The following ERCC8 variants were observed in gnomAD, a reference collection of about 807,000 sequenced individuals.
ERCC8 encodes the protein ERCC excision repair 8, CSA ubiquitin ligase complex subunit.
In ERCC8, 52 loss-of-function variants were observed where a neutral mutation model predicts 54.9. The ratio of observed to expected loss-of-function variants is 0.95; its 90% CI spans 0.76 to 1.19. The LOEUF is 1.19. ERCC8 is among the 50% of genes most tolerant of loss of function. The pLI is 0.00. For synonymous variants in ERCC8, 146 were observed against 157.2 expected (o/e 0.93, Z 0.53); for missense variants, 514 against 466.1 (o/e 1.10, Z -0.95).
chr5:60,902,140 T>A (rs993503603), intron 7 of ERCC8, among the ~76,000 whole-genome samples: 5 of 152,098 alleles, frequency 3.3e-5, no homozygotes, highest in African/African-American at 1.2e-4. Flanking sequence ...AGGTTAAAGA[T>A]AATGAATAAA....
intron 11 of ERCC8, among the ~76,000 whole-genome samples, chr5:60,880,366 G>A (rs1049409005): frequency 6.6e-6 from 1 of 152,156 alleles, no homozygotes; most frequent in African/African-American, 2.4e-5. Context: ...TTCTCGAGGA[G>A]TATCTTTGTG....
At chr5:60,910,344 T>G (rs1366043042) in intron 4 of ERCC8, among the ~76,000 whole-genome samples, 1 of 152,180 alleles carries the variant, frequency 6.6e-6, no homozygotes, top group East Asian at 1.9e-4. Flanking sequence ...TTCACTCTTT[T>G]GTTTCAAGAG....
At chr5:60,905,215 C>T (rs1212108711) in intron 4 of ERCC8, among the ~76,000 whole-genome samples, 4 of 152,134 alleles carry the variant, frequency 2.6e-5, no homozygotes, top group Non-Finnish European at 4.4e-5. Flanking sequence ...CTCTCAGTTC[C>T]GTATAACCTG....
At chr5:60,925,252 C>G (rs1037446368) in intron 2 of ERCC8, among the ~76,000 whole-genome samples, 1 of 152,108 alleles carries the variant, frequency 6.6e-6, no homozygotes, top group Non-Finnish European at 1.5e-5. Context: ...TGGAAGCTTA[C>G]TTTCAGAGAT....
In ERCC8 at chr5:60,891,075, T is replaced by C. The variant is rs1431259956; in HGVS notation, c.855A>G (p.Gly285=). ...CTTTTTTACTGTTATTACAAACTTT[T>C]CCATAGTTCACCTGTAGGATTAAAA... ...SNGENTLVNY[G]KVCNNSKKGL... The change falls in exon 10 of 12, where the codon GGA becomes GGG. Residue 285 remains glycine, a synonymous_variant. Coordinates refer to ENST00000676185, the MANE Select transcript of ERCC8 (RefSeq NM_000082.4). 1 of 1,606,444 alleles carries C rather than the reference T, an allele frequency of 6.2e-7. No homozygotes were observed. Among genetic ancestry groups the C allele is most frequent in the Non-Finnish European group, 8.5e-7 (1 of 1,175,152 alleles).
chr5:60,942,451 G>A (rs1201211341), intron 1 of ERCC8, among the ~76,000 whole-genome samples: 2 of 151,996 alleles, frequency 1.3e-5, no homozygotes, highest in Non-Finnish European at 2.9e-5. Flanking sequence ...CTGCACAGTG[G>A]GATACTCCAC....
chr5:60,914,402 A>T (rs1205622319), intron 4 of ERCC8, among the ~76,000 whole-genome samples: 1 of 151,872 alleles, frequency 6.6e-6, no homozygotes, highest in Non-Finnish European at 1.5e-5. Context: ...AGAGACCAGG[A>T]TTGCAACCCC....
At chr5:60,910,271 A>G (rs936056933) in intron 4 of ERCC8, among the ~76,000 whole-genome samples, 1 of 152,144 alleles carries the variant, frequency 6.6e-6, no homozygotes, top group African/African-American at 2.4e-5. Flanking sequence ...TACCAATATC[A>G]CATTGCCTTC....
intron 11 of ERCC8, among the ~76,000 whole-genome samples, chr5:60,878,499 C>G (rs1330916309): frequency 6.6e-6 from 1 of 152,154 alleles, no homozygotes; most frequent in Non-Finnish European, 1.5e-5. Flanking sequence ...TCCATCTGGT[C>G]CTGGACTTTT....
At chr5:60,902,744 G>C (rs549229815) in intron 6 of ERCC8, among the ~76,000 whole-genome samples, 2 of 152,068 alleles carry the variant, frequency 1.3e-5, no homozygotes, top group East Asian at 3.9e-4. Flanking sequence ...GGAAAAAACA[G>C]AGTTAAGTAA....
chr5:60,918,610 C>A, intron 3 of ERCC8: 1 of 528,938 alleles, frequency 1.9e-6, no homozygotes, highest in Non-Finnish European at 3.4e-6. Flanking sequence ...TACTAAGGGT[C>A]ACAATGTGAA....
chr5:60,922,232 A>G, intron 2 of ERCC8, 77 bp from the exon 3 acceptor site: 1 of 944,226 alleles, frequency 1.1e-6, no homozygotes, highest in Non-Finnish European at 1.7e-6. Context: ...GCAAATTTCT[A>G]AAAACTGATT....
At chr5:60,941,950 A>G (rs1750270395) in intron 1 of ERCC8, among the ~76,000 whole-genome samples, 1 of 152,184 alleles carries the variant, frequency 6.6e-6, no homozygotes, top group Admixed American at 6.5e-5. Flanking sequence ...GTAAATATAA[A>G]ATATAAGACA....
chr5:60,877,591 A>G (rs1748054051), intron 11 of ERCC8, among the ~76,000 whole-genome samples: 1 of 152,130 alleles, frequency 6.6e-6, no homozygotes. Flanking sequence ...GGTCCTTCAC[A>G]TCCCTTGTAA....
At chr5:60,912,959 A>C (rs10044801) in intron 4 of ERCC8, among the ~76,000 whole-genome samples, 2 of 152,088 alleles carry the variant, frequency 1.3e-5, no homozygotes, top group African/African-American at 4.8e-5. Flanking sequence ...ATCATGGTGG[A>C]TAAGCTTTTT....
At chr5:60,938,095 T>C (rs568192190) in intron 1 of ERCC8, among the ~76,000 whole-genome samples, 1 of 136,772 alleles carries the variant, frequency 7.3e-6, no homozygotes, top group Admixed American at 7.5e-5. Context: ...ATTTTATTTT[T>C]TTTTTTTTTA....
At chr5:60,882,918 C>T (rs1323986677) in intron 11 of ERCC8, among the ~76,000 whole-genome samples, 1 of 151,878 alleles carries the variant, frequency 6.6e-6, no homozygotes, top group Admixed American at 6.6e-5. Flanking sequence ...CCTACTCTGT[C>T]TCTAGAAGCC....
At chr5:60,925,578 T>C (rs775280957) in intron 2 of ERCC8, among the ~76,000 whole-genome samples, 1 of 152,206 alleles carries the variant, frequency 6.6e-6, no homozygotes, top group South Asian at 2.1e-4. Context: ...TTTGGACTTA[T>C]CCAGGTATAT....
rs1747841404 is a variant in ERCC8 at position 60,870,557 on chromosome 5, G to T, written c.*4058C>A. ...GGCACCTGTAATCCCAGCTGCTTGG[G>T]AGGCTGAGGCAGGAAAATTGCTTGA... On this transcript the variant is annotated 3_prime_UTR_variant, in exon 12 of 12. Transcript: ENST00000676185. 6.6e-6 allele frequency among the ~76,000 whole-genome samples: 1 copy of T among 150,600 alleles called. No individual in the cohort carries two copies. The highest frequency in any genetic ancestry group is 1.5e-5 in the Non-Finnish European group (1 of 67,840).
Sources: gnomAD v4.1 joint callset for allele counts (sites outside exome capture counted in the v4.1 genomes callset) on GRCh38, gnomAD v4.1.1 for gene constraint, MANE v1.5 for transcripts, NCBI Gene and HGNC (gene_info 2026-07-23, HGNC 2026-07-21) for gene names.